Variants in FRMPD4 observed in about 807,000 individuals in gnomAD.
The protein encoded by FRMPD4 is FERM and PDZ domain containing 4.
Under a neutral mutation model 94.1 loss-of-function variants are expected in FRMPD4, and 22 were observed. The ratio of observed to expected loss-of-function variants is 0.23; its 90% CI spans 0.17 to 0.33. The LOEUF (loss-of-function observed/expected upper bound fraction) is 0.33, where lower values mean the gene tolerates loss of function less well. Ranked by LOEUF, FRMPD4 falls within the 10% of genes least tolerant of loss-of-function variation. FRMPD4 has a pLI of 1.00. For missense variants in FRMPD4, 1,111 were observed against 1,339.9 expected, an observed-to-expected ratio of 0.83 and a Z score of 2.67; for synonymous variants, 631 against 548.6, an observed-to-expected ratio of 1.15 and a Z score of -2.10.
intron 1 of FRMPD4, among the ~76,000 whole-genome samples, chrX:12,494,632 C>T (rs967087796): frequency 2.7e-5 from 3 of 111,462 alleles, no homozygotes; most frequent in African/African-American, 6.5e-5. Context: ...TCTCCTAGGG[C>T]GAGCTGGCCA....
chrX:12,211,868 T>G (rs1434512140), intron 1 of FRMPD4, among the ~76,000 whole-genome samples: 2 of 112,289 alleles, frequency 1.8e-5, no homozygotes, highest in Non-Finnish European at 3.8e-5. Context: ...CAATCAATTT[T>G]CTTATTCCTT....
intron 4 of FRMPD4, among the ~76,000 whole-genome samples, chrX:12,643,430 C>A (rs2059518095): frequency 1.8e-5 from 2 of 111,661 alleles, no homozygotes; most frequent in Non-Finnish European, 3.8e-5. Flanking sequence ...GCAAATAATT[C>A]AATTTATATT....
At chrX:12,456,508 T>C (rs752149042) in intron 1 of FRMPD4, among the ~76,000 whole-genome samples, 21 of 111,701 alleles carry the variant, frequency 1.9e-4, no homozygotes, top group Non-Finnish European at 3.6e-4. Context: ...TACCCCCTCC[T>C]CCAATCTTCC....
At chrX:12,475,621 G>A (rs751581070) in intron 1 of FRMPD4, among the ~76,000 whole-genome samples, 6 of 111,920 alleles carry the variant, frequency 5.4e-5, no homozygotes, top group Non-Finnish European at 5.6e-5. Context: ...AAAGTCTCAC[G>A]ATACAAAATC....
chrX:12,586,983 G>GTT lies in FRMPD4; in HGVS notation c.159-22728_159-22727dup, dbSNP rs386416633. Among the ~76,000 whole-genome samples, 153 of 102,828 alleles carry GTT rather than the reference G, an allele frequency of 1.5e-3. 1 individual carries two copies. Among genetic ancestry groups the GTT allele is most frequent in the South Asian group, 2.5e-3 (6 of 2,366 alleles). 89.3% of individuals were successfully genotyped at this position (102,828 alleles called of 115,157 possible). ...AGGGAAATATTTTAATGCTTTTTTT[G>GTT]TTTTTTTTTTTGAGACGGAATCTCA... On this transcript the variant is annotated intron_variant, in intron 2 of 16. Coordinates refer to ENST00000675598, the MANE Select transcript of FRMPD4 (RefSeq NM_001368397.1).
exon 1 of FRMPD4, among the ~76,000 whole-genome samples, chrX:11,822,654 C>T (rs776967375): frequency 8.9e-6 from 1 of 112,254 alleles, no homozygotes; most frequent in Non-Finnish European, 1.9e-5. Context: ...GCAGAATCTC[C>T]TGAAGGATTG....
intron 8 of FRMPD4, among the ~76,000 whole-genome samples, chrX:12,691,652 C>CA (rs2060081747): frequency 9.0e-6 from 1 of 110,954 alleles, no homozygotes; most frequent in Non-Finnish European, 1.9e-5. Context: ...GATTTGAATG[C>CA]ATGTAGTTTA....
chrX:11,887,591 T>A (rs1181721445), intron 3 of FRMPD4, among the ~76,000 whole-genome samples: 3 of 112,544 alleles, frequency 2.7e-5, no homozygotes, highest in South Asian at 3.7e-4. Context: ...TACCTACAAC[T>A]GTCTTGGTAA....
At chrX:12,474,262 C>T (rs1284160876) in intron 1 of FRMPD4, among the ~76,000 whole-genome samples, 25 of 110,704 alleles carry the variant, frequency 2.3e-4, no homozygotes, top group Non-Finnish European at 4.3e-4. Flanking sequence ...TTGAAACCAA[C>T]GAGAACAAAG....
At chrX:12,698,828 C>A (rs182611239) in intron 9 of FRMPD4, among the ~76,000 whole-genome samples, 28 of 111,379 alleles carry the variant, frequency 2.5e-4, no homozygotes, top group Middle Eastern at 9.1e-3. Flanking sequence ...TCTTCCATTT[C>A]ATGAAACATA....
chrX:12,076,713 C>T (rs2055021626), intron 3 of FRMPD4, among the ~76,000 whole-genome samples: 1 of 110,936 alleles, frequency 9.0e-6, no homozygotes, highest in East Asian at 2.8e-4. Flanking sequence ...GATTTTCTAC[C>T]ACTTTATCTA....
At chrX:12,601,643 G>A (rs1042405809) in intron 2 of FRMPD4, among the ~76,000 whole-genome samples, 2 of 111,902 alleles carry the variant, frequency 1.8e-5, no homozygotes, top group African/African-American at 6.5e-5. Context: ...TATTCCTGCT[G>A]GTTGGCAATT....
At chrX:12,359,569 G>A (rs181131767) in intron 1 of FRMPD4, among the ~76,000 whole-genome samples, 58 of 109,220 alleles carry the variant, frequency 5.3e-4, no homozygotes, top group Non-Finnish European at 1.0e-3. Context: ...CCAGGTTTGA[G>A]CGATTCTCCT....
At chrX:12,167,293 C>G (rs2056137318) in intron 1 of FRMPD4, among the ~76,000 whole-genome samples, 2 of 111,947 alleles carry the variant, frequency 1.8e-5, no homozygotes, top group Admixed American at 9.5e-5. Flanking sequence ...TTTGTTTCTG[C>G]CTTCATTTTG....
At chrX:12,516,246 G>A (rs2058094870) in intron 2 of FRMPD4, among the ~76,000 whole-genome samples, 1 of 111,790 alleles carries the variant, frequency 8.9e-6, no homozygotes, top group African/African-American at 3.3e-5. Flanking sequence ...TCATCATGAT[G>A]CTAGCTGGTT....
At chrX:11,850,473 C>G in intron 1 of FRMPD4, among the ~76,000 whole-genome samples, 1 of 112,265 alleles carries the variant, frequency 8.9e-6, no homozygotes. Context: ...GCATTGAAAG[C>G]AGGATCTTGG....
intron 1 of FRMPD4, among the ~76,000 whole-genome samples, chrX:11,848,514 T>TC (rs2053597672): frequency 9.1e-6 from 1 of 110,326 alleles, no homozygotes; most frequent in Non-Finnish European, 1.9e-5. Context: ...GCCTGTGTTT[T>TC]TTTTTTTTTC....
At chrX:12,145,866 AAC>A (rs767084876) in intron 1 of FRMPD4, among the ~76,000 whole-genome samples, 5 of 112,114 alleles carry the variant, frequency 4.5e-5, no homozygotes, top group South Asian at 7.4e-4. Flanking sequence ...ATTCACCCTG[AAC>A]ACAGTCACCC....
intron 2 of FRMPD4, among the ~76,000 whole-genome samples, chrX:11,877,353 G>A (rs1309553648): frequency 8.9e-6 from 1 of 111,932 alleles, no homozygotes. Flanking sequence ...CCAGCTCAGA[G>A]CGCCAAATAT....
Sources: gnomAD v4.1 joint callset for allele counts (sites outside exome capture counted in the v4.1 genomes callset) on GRCh38, gnomAD v4.1.1 for gene constraint, MANE v1.5 for transcripts, NCBI Gene and HGNC (gene_info 2026-07-23, HGNC 2026-07-21) for gene names.